SLC12A3: variants seen among roughly 807,000 people sequenced by gnomAD.
The protein encoded by SLC12A3 is Na-Cl cotransporter.
Under a neutral mutation model 121.0 loss-of-function variants are expected in SLC12A3, and 104 were observed. The ratio of observed to expected loss-of-function variants is 0.86; its 90% confidence interval spans 0.73 to 1.01. SLC12A3 has a LOEUF of 1.01. Ranked by LOEUF, SLC12A3 falls within the 50% of genes least tolerant of loss-of-function variation. The probability of loss-of-function intolerance (pLI) is 0.00; values close to 1 mark genes in which losing one functional copy is unlikely to be tolerated. For missense variants in SLC12A3, 1,328 were observed against 1,356.3 expected, an observed-to-expected ratio of 0.98 and a Z score of 0.33; for synonymous variants, 536 against 533.4, an observed-to-expected ratio of 1.00 and a Z score of -0.07.
At chr16:56,873,469 C>T (rs2055128254) in intron 8 of SLC12A3, among the ~76,000 whole-genome samples, 1 of 144,668 alleles carries the variant, frequency 6.9e-6, no homozygotes, top group Non-Finnish European at 1.5e-5. Flanking sequence ...TCACTGCAAC[C>T]TCCGCCTCCC....
intron 25 of SLC12A3, among the ~76,000 whole-genome samples, chr16:56,908,180 T>TTTTTTTTTTTG (rs2055634328): frequency 6.7e-6 from 1 of 148,508 alleles, no homozygotes; most frequent in African/African-American, 2.5e-5. Context: ...TTTTTTTTTT[T>TTTTTTTTTTTG]GAGGCAGAGT....
Position 56,879,537 on chromosome 16 carries a change from C to A in SLC12A3, c.1336-5C>A. The A allele has an allele frequency of 6.2e-7, 1 of 1,612,418 alleles. No homozygotes were observed. The highest frequency in any genetic ancestry group is 8.5e-7 in the Non-Finnish European group (1 of 1,178,818). ...GTGGAGTCCCTGAGCCCCAAATCCC[C>A]ACAGACCATGAGCATGGTGTCAGGC... is the stretch of plus-strand genomic sequence containing the variant. On this transcript the variant is annotated splice_region_variant and splice_polypyrimidine_tract_variant and intron_variant, in intron 10 of 25. Transcript: ENST00000563236.
chr16:56,885,338 G>C lies in SLC12A3; in HGVS notation c.1899G>C (p.Glu633Asp), dbSNP rs1489892274. The C allele has an allele frequency of 3.0e-5, 46 of 1,554,946 alleles. No homozygotes were observed. The highest frequency in any genetic ancestry group is 3.5e-5 in the Non-Finnish European group (40 of 1,148,578). The change falls in exon 15 of 26, where the codon GAG becomes GAC. Residue 633 changes from glutamate to aspartate, a missense_variant. Physicochemically the swap from Glu to Asp is conservative, Grantham distance 45 (BLOSUM62 2). Transcript: ENST00000563236. ...TCAGCTACTCGGTGGGCCTCAATGA[G>C]GTGGAAGACCACATCAAGAACTACC... is the stretch of plus-strand genomic sequence containing the variant. ...LALSYSVGLN[E>D]VEDHIKNYRP... is the part of the protein sequence containing the mutation.
At chr16:56,882,565 G>A in intron 13 of SLC12A3, 68 bp downstream of exon 13, 2 of 1,190,646 alleles carry the variant, frequency 1.7e-6, no homozygotes, top group East Asian at 2.3e-5. Context: ...GGCATGGGGT[G>A]GGAGTGGGAG....
rs13306686 is a variant in SLC12A3 at position 56,868,206 on chromosome 16, G to A, written c.430-91G>A. ...ACCCAGGTGTCCCTAGGGCCTAGGT[G>A]CTCGATACCCTGCCATAGCAAGGGA... On this transcript the variant is annotated intron_variant, in intron 2 of 25. Transcript: ENST00000563236. The A allele has an allele frequency of 3.8e-4, 474 of 1,236,908 alleles. 1 individual carries two copies. In the East Asian group the frequency reaches 0.011, roughly 30 times the overall value. The allele number at this position is 1,236,908 out of a possible 1,614,324, so 76.6% of individuals were successfully genotyped here. A position where few individuals can be genotyped will look rare whatever the true frequency, so the allele number is the denominator to read the frequency against.
intron 21 of SLC12A3, among the ~76,000 whole-genome samples, chr16:56,894,299 C>A (rs2055432731): frequency 6.6e-6 from 1 of 152,114 alleles, no homozygotes; most frequent in African/African-American, 2.4e-5. Context: ...GCCATGGCGC[C>A]CGGCCGCCAG....
chr16:56,875,994 C>T (rs1247415146), intron 8 of SLC12A3, among the ~76,000 whole-genome samples: 1 of 151,844 alleles, frequency 6.6e-6, no homozygotes, highest in Non-Finnish European at 1.5e-5. Context: ...TAAAAACAGA[C>T]CTATATTCCC....
At chr16:56,881,822 G>A (rs2055243770) in intron 12 of SLC12A3, among the ~76,000 whole-genome samples, 1 of 152,094 alleles carries the variant, frequency 6.6e-6, no homozygotes, top group Non-Finnish European at 1.5e-5. Flanking sequence ...GCCGAGGCAG[G>A]TGGATCATTT....
In SLC12A3 at chr16:56,913,721, A is replaced by G. The variant is rs1447045885; in HGVS notation, c.*316A>G. 1.0e-5 allele frequency: 4 copies of G among 382,072 alleles called. No homozygotes were observed. The highest frequency in any genetic ancestry group is 2.0e-5 in the Non-Finnish European group (4 of 200,510). 23.7% of individuals were successfully genotyped at this position (382,072 alleles called of 1,614,324 possible). A position where few individuals can be genotyped will look rare whatever the true frequency, so the allele number is the denominator to read the frequency against. On this transcript the variant is annotated 3_prime_UTR_variant, in exon 26 of 26. Transcript: ENST00000563236. ...CCATTAATTAAGAGTTCAGTCTTTG[A>G]TTTGTATGCAAATTGGAGTCCCAAT...
chr16:56,902,586 C>T, intron 24 of SLC12A3, 78 bp downstream of exon 24: 1 of 1,556,286 alleles, frequency 6.4e-7, no homozygotes. Flanking sequence ...TTGAGCTCCC[C>T]CAGCCCCTCC....
rs1476751616 is a variant in SLC12A3, at chr16:56,914,400, T to A, written c.*995T>A. On this transcript the variant is annotated 3_prime_UTR_variant, in exon 26 of 26. Coordinates refer to ENST00000563236, the MANE Select transcript of SLC12A3 (RefSeq NM_001126108.2). ...CCAAAACAAAAATGTCACAAAACAA[T>A]ACTTACCCTTCCCTGGGGGACGTCC... 6.6e-6 allele frequency: 1 copy of A among 152,224 alleles called. No homozygotes were observed. Among genetic ancestry groups the A allele is most frequent in the Non-Finnish European group, 1.5e-5 (1 of 68,042 alleles). 9.4% of individuals were successfully genotyped at this position (152,224 alleles called of 1,614,324 possible). A position where few individuals can be genotyped will look rare whatever the true frequency, so the allele number is the denominator to read the frequency against.
At chr16:56,871,059 T>C (rs1354524939) in intron 6 of SLC12A3, among the ~76,000 whole-genome samples, 1 of 152,178 alleles carries the variant, frequency 6.6e-6, no homozygotes, top group Non-Finnish European at 1.5e-5. Flanking sequence ...GGTCTCAAAC[T>C]CTTGACCTCA....
intron 3 of SLC12A3, among the ~76,000 whole-genome samples, chr16:56,869,527 C>A (rs1417073343): frequency 1.3e-5 from 2 of 152,162 alleles, no homozygotes; most frequent in South Asian, 2.1e-4. Context: ...GGGGTTTCAC[C>A]ATGTTGGCCA....
In SLC12A3 at chr16:56,892,137, C is replaced by A; in HGVS notation, c.2419+4C>A. 1 of 1,613,290 alleles carries A rather than the reference C, an allele frequency of 6.2e-7. No individual in the cohort carries two copies. The highest frequency in any genetic ancestry group is 8.5e-7 in the Non-Finnish European group (1 of 1,179,336). ...GGGAAGGAAGCCAGCGCCAGAGGTG[C>A]CAGGCCATCAGTCTCTGGCGCTTGT... On this transcript the variant is annotated splice_donor_region_variant and intron_variant, in intron 20 of 25. Transcript: ENST00000563236.
In SLC12A3 at chr16:56,904,589, T is replaced by G. The variant is rs191519393; in HGVS notation, c.2924+127T>G. 2.7e-5 allele frequency: 24 copies of G among 893,298 alleles called. No individual in the cohort carries two copies. In the Admixed American group the frequency reaches 3.6e-4, roughly 13 times the overall value. The allele number at this position is 893,298 out of a possible 1,614,324, so 55.3% of individuals were successfully genotyped here. On this transcript the variant is annotated intron_variant, in intron 25 of 25. Coordinates refer to ENST00000563236, the MANE Select transcript of SLC12A3 (RefSeq NM_001126108.2). ...CCCCTAGGAAGCAGAAGGGCCAAAGTTCCCATAAACATAGCCCTGGCGATT... is the reference window on the plus strand; with the variant it reads ...CCCCTAGGAAGCAGAAGGGCCAAAGGTCCCATAAACATAGCCCTGGCGATT...
chr16:56,885,363 C>A lies in SLC12A3; in HGVS notation c.1924C>A (p.Arg642Ser). The A allele has an allele frequency of 1.3e-6, 2 of 1,546,186 alleles. No individual in the cohort carries two copies. The highest frequency in any genetic ancestry group is 1.8e-6 in the Non-Finnish European group (2 of 1,141,300). Residue 642 changes from arginine to serine, a missense_variant and splice_region_variant, in exon 15 of 26, where the codon CGC (arginine) becomes AGC (serine). Arg to Ser is a moderately radical substitution (Grantham distance 110). Transcript: ENST00000563236. ...NEVEDHIKNY[R>S]PQCLVLTGPP... ...GGTGGAAGACCACATCAAGAACTAC[C>A]GGTGAGCAGAGCTGCTGGGACCCAC...
rs79794815 is a variant in SLC12A3, at chr16:56,881,374, C to G, written c.1568-1022C>G. 3.9e-3 allele frequency among the ~76,000 whole-genome samples: 593 copies of G among 152,238 alleles called. 7 individuals are homozygous for G. Among genetic ancestry groups the G allele is most frequent in the African/African-American group, 0.014 (562 of 41,530 alleles). ...ATGTTCCCCGGCCCCGTCTCTGCTT[C>G]CTGCTCACCGGGGCCCAGAAACACA... On this transcript the variant is annotated intron_variant, in intron 12 of 25. Transcript: ENST00000563236.
In SLC12A3 at chr16:56,887,798, ATTT is replaced by A. The variant is rs1211988197; in HGVS notation, c.2179-109_2179-107del. On this transcript the variant is annotated intron_variant, in intron 17 of 25. Coordinates refer to ENST00000563236, the MANE Select transcript of SLC12A3 (RefSeq NM_001126108.2). ...TATATATATATATATATATATATAT[ATTT>A]TTTTTTTTTTTTTTTTTGAGAATCA... is the stretch of plus-strand genomic sequence containing the variant. 605 of 68,366 alleles carry A rather than the reference ATTT, an allele frequency of 8.8e-3. 5 individuals carry two copies. Among genetic ancestry groups the A allele is most frequent in the African/African-American group, 0.018 (313 of 17,352 alleles). The allele number at this position is 68,366 out of a possible 1,614,324, so 4.2% of individuals were successfully genotyped here.
intron 18 of SLC12A3, among the ~76,000 whole-genome samples, chr16:56,888,779 C>T (rs1321809955): frequency 6.6e-6 from 1 of 151,996 alleles, no homozygotes; most frequent in Non-Finnish European, 1.5e-5. Flanking sequence ...AGGATGGTCT[C>T]GATCTCCTGA....
Sources: allele counts gnomAD v4.1 joint callset (sites outside exome capture counted in the v4.1 genomes callset), GRCh38; gene constraint gnomAD v4.1.1; transcripts MANE v1.5; gene names NCBI Gene and HGNC (gene_info 2026-07-23, HGNC 2026-07-21).